The following PCDHGA8 variants were observed in gnomAD, a reference collection of about 807,000 sequenced individuals.
The protein encoded by PCDHGA8 is protocadherin gamma-A8.
In PCDHGA8, 45 loss-of-function variants were observed where a neutral mutation model predicts 59.2. The ratio of observed to expected loss-of-function variants is 0.76; its 90% CI spans 0.60 to 0.98. The LOEUF (loss-of-function observed/expected upper bound fraction) is 0.98. PCDHGA8 is among the 50% of genes least tolerant of loss of function. PCDHGA8 has a pLI of 0.00. For missense variants in PCDHGA8, 1,257 were observed against 1,196.2 expected (o/e 1.05, Z -0.75); for synonymous variants, 531 against 519.0 (o/e 1.02, Z -0.32).
At chr5:141,413,306 A>G in intron 1 of PCDHGA8, 1 of 1,613,958 alleles carries the variant, frequency 6.2e-7, no homozygotes, top group Non-Finnish European at 8.5e-7. Context: ...GAGGAATTAG[A>G]GAAAGGCTCT....
chr5:141,392,967 C>A lies in PCDHGA8; in HGVS notation c.154C>A (p.Leu52Met), dbSNP rs1442170331. Reference protein sequence around the residue: ...GSFVGNISKDLGLDPRKLAKH... With the variant: ...GSFVGNISKDMGLDPRKLAKH... ...CTTCGTGGGTAATATCTCCAAGGAC[C>A]TGGGGCTGGACCCCCGGAAGCTGGC... The change falls in exon 1 of 4, where the codon CTG becomes ATG. Residue 52 changes from leucine to methionine, a missense_variant. Coordinates refer to ENST00000398604, the MANE Select transcript of PCDHGA8 (RefSeq NM_032088.2). 2 of 1,613,766 alleles carry A rather than the reference C, an allele frequency of 1.2e-6. No homozygotes were observed. Among genetic ancestry groups the A allele is most frequent in the African/African-American group, 2.7e-5 (2 of 74,930 alleles).
chr5:141,474,180 A>G (rs763042503), intron 1 of PCDHGA8, among the ~76,000 whole-genome samples: 4 of 152,240 alleles, frequency 2.6e-5, no homozygotes, highest in Non-Finnish European at 4.4e-5. Context: ...TGAGAAAACT[A>G]CTTACATTTT....
chr5:141,491,253 T>C lies in PCDHGA8; in HGVS notation c.2425-3554T>C, dbSNP rs71583648. The C allele has an allele frequency of 2.3e-3, 3,639 of 1,614,176 alleles. 33 individuals carry two copies. The African/African-American group carries it at 0.026, about 11-fold the overall frequency. Reference sequence around the variant, plus strand: ...TGCTGGTTCTGGAGGATGAGGACCCTGAGGAAATGCCCAAATCCAGTGACT... The same window carrying C: ...TGCTGGTTCTGGAGGATGAGGACCCCGAGGAAATGCCCAAATCCAGTGACT... On this transcript the variant is annotated intron_variant, in intron 1 of 3. Coordinates refer to ENST00000398604, the MANE Select transcript of PCDHGA8 (RefSeq NM_032088.2). This position sits in a 1 kb window ranked among gnomAD's most constrained non-coding sequence, Gnocchi z 6.9.
chr5:141,439,416 G>T (rs1169961917), intron 1 of PCDHGA8, among the ~76,000 whole-genome samples: 3 of 152,156 alleles, frequency 2.0e-5, no homozygotes, highest in African/African-American at 7.2e-5. Flanking sequence ...CATCACTGAG[G>T]TTATAAATTC....
chr5:141,415,203 G>C (rs2095843560), intron 1 of PCDHGA8: 24 of 1,614,032 alleles, frequency 1.5e-5, no homozygotes, highest in Non-Finnish European at 2.0e-5. Flanking sequence ...CCCAAGTCCT[G>C]GCGGACCTCG....
chr5:141,399,894 C>G lies in PCDHGA8; in HGVS notation c.2424+4657C>G, dbSNP rs201911174. ...GCTACCTGGTGACCAAGGTAGTGGC[C>G]GTGGACGCAGACTCAGGACACAACG... On this transcript the variant is annotated intron_variant, in intron 1 of 3. Transcript: ENST00000398604. 9.2e-4 allele frequency: 1,477 copies of G among 1,612,556 alleles called. 21 individuals carry two copies. In the South Asian group the frequency reaches 0.015, roughly 17 times the overall value.
chr5:141,423,325 G>A lies in PCDHGA8; in HGVS notation c.2424+28088G>A, dbSNP rs201044967. ...GCTGTACTTGGTGGTGGCGGTGGCCGCAGTCTCCTGCATCTTCCTGGTCTT... is the reference window on the plus strand; with the variant it reads ...GCTGTACTTGGTGGTGGCGGTGGCCACAGTCTCCTGCATCTTCCTGGTCTT... On this transcript the variant is annotated intron_variant, in intron 1 of 3. Coordinates refer to ENST00000398604, the MANE Select transcript of PCDHGA8 (RefSeq NM_032088.2). 133 of 1,614,016 alleles carry A rather than the reference G, an allele frequency of 8.2e-5. No individual in the cohort carries two copies. Among genetic ancestry groups the A allele is most frequent in the Non-Finnish European group, 4.1e-5 (48 of 1,180,008 alleles).
At chr5:141,419,793 C>T in intron 1 of PCDHGA8, 1 of 1,614,072 alleles carries the variant, frequency 6.2e-7, no homozygotes, top group East Asian at 2.2e-5. Flanking sequence ...CTGCTAGTCG[C>T]TGTAAGAGAT....
chr5:141,474,260 A>G (rs1459875243), intron 1 of PCDHGA8, among the ~76,000 whole-genome samples: 1 of 152,170 alleles, frequency 6.6e-6, no homozygotes, highest in Non-Finnish European at 1.5e-5. Flanking sequence ...AGACTGATAA[A>G]CCAGTGTATC....
At chr5:141,449,542 T>C (rs1379019468) in intron 1 of PCDHGA8, among the ~76,000 whole-genome samples, 2 of 142,482 alleles carry the variant, frequency 1.4e-5, no homozygotes, top group African/African-American at 5.3e-5. Context: ...TGAGCCGAGA[T>C]CGCACCACTG....
In PCDHGA8 at chr5:141,510,272, T is replaced by TAAA. The variant is rs546154379; in HGVS notation, c.2573-658_2573-656dup. 1.5e-3 allele frequency among the ~76,000 whole-genome samples: 198 copies of TAAA among 130,372 alleles called. 1 individual carries two copies. Among genetic ancestry groups the TAAA allele is most frequent in the Non-Finnish European group, 2.8e-3 (172 of 61,058 alleles). The allele number at this position is 130,372 out of a possible 152,430, so 85.5% of individuals were successfully genotyped here. ...TGGGCGACAGAGCAGGACTCCATCTTAAAAAAAAAAAAAAAAAAATGCTGT... is the reference window on the plus strand; with the variant it reads ...TGGGCGACAGAGCAGGACTCCATCTTAAAAAAAAAAAAAAAAAAAAAATGCTGT... On this transcript the variant is annotated intron_variant, in intron 3 of 3. Coordinates refer to ENST00000398604, the MANE Select transcript of PCDHGA8 (RefSeq NM_032088.2).
intron 1 of PCDHGA8, chr5:141,399,347 A>G: frequency 6.2e-7 from 1 of 1,613,926 alleles, no homozygotes. Flanking sequence ...GGAACCCTAG[A>G]CCGAGAGCAA....
intron 3 of PCDHGA8, among the ~76,000 whole-genome samples, chr5:141,508,837 A>C (rs1596180024): frequency 6.7e-6 from 1 of 149,276 alleles, no homozygotes; most frequent in Non-Finnish European, 1.5e-5. Context: ...CCCCTCCCCT[A>C]CCCCTTCCAT....
chr5:141,491,612 G>C lies in PCDHGA8; in HGVS notation c.2425-3195G>C, dbSNP rs759955730. 1 of 1,613,906 alleles carries C rather than the reference G, an allele frequency of 6.2e-7. No individual in the cohort carries two copies. Among genetic ancestry groups the C allele is most frequent in the South Asian group, 1.1e-5 (1 of 91,080 alleles). ...GACGGCAGTGACTTCACTTTTCTAA[G>C]ACCCCTCAGCGTTCAGCAGCCCACA... On this transcript the variant is annotated intron_variant, in intron 1 of 3. Transcript: ENST00000398604. The surrounding 1 kb of genome is among the most constrained non-coding windows in gnomAD (Gnocchi z 6.9).
intron 1 of PCDHGA8, among the ~76,000 whole-genome samples, chr5:141,446,891 C>T (rs1457416718): frequency 6.6e-6 from 1 of 152,152 alleles, no homozygotes; most frequent in South Asian, 2.1e-4. Context: ...GGGTTCATGG[C>T]TGAGCTACTT....
chr5:141,418,980 A>T, intron 1 of PCDHGA8: 1 of 1,614,004 alleles, frequency 6.2e-7, no homozygotes. Flanking sequence ...ACACGGGACC[A>T]AGACTCAGGG....
rs1378433689 is a variant in PCDHGA8, at chr5:141,409,139, G to A, written c.2424+13902G>A. Reference sequence around the variant, plus strand: ...CCAGTCATTTGATTTTGAAGATGTAGAAAGGTACACCATGGAAGTGGAAGC... The same window carrying A: ...CCAGTCATTTGATTTTGAAGATGTAAAAAGGTACACCATGGAAGTGGAAGC... On this transcript the variant is annotated intron_variant, in intron 1 of 3. Transcript: ENST00000398604. 5.6e-6 allele frequency: 9 copies of A among 1,613,894 alleles called. No homozygotes were observed. In the Admixed American group the frequency reaches 1.5e-4, roughly 27 times the overall value.
At chr5:141,499,730 T>C (rs1412528402) in intron 2 of PCDHGA8, among the ~76,000 whole-genome samples, 1 of 143,912 alleles carries the variant, frequency 6.9e-6, no homozygotes, top group East Asian at 2.1e-4. Context: ...AGTCTCACTC[T>C]CTTGCCCAGG....
At chr5:141,502,024 C>G (rs2099812413) in intron 2 of PCDHGA8, among the ~76,000 whole-genome samples, 1 of 152,152 alleles carries the variant, frequency 6.6e-6, no homozygotes, top group African/African-American at 2.4e-5. Context: ...TCCCTGCAAC[C>G]CCCGCCGCTT....
Sources: allele counts gnomAD v4.1 joint callset (sites outside exome capture counted in the v4.1 genomes callset), GRCh38; gene constraint gnomAD v4.1.1; non-coding constraint Gnocchi (gnomAD v3.1); transcripts MANE v1.5; gene names NCBI Gene and HGNC (gene_info 2026-07-23, HGNC 2026-07-21).